PTPN14: variants seen among roughly 807,000 people sequenced by gnomAD.
PTPN14 encodes the protein tyrosine-protein phosphatase non-receptor type 14.
A neutral mutation model predicts 126.8 loss-of-function variants in PTPN14; 53 were observed. That is an observed-to-expected ratio of 0.42 (90% CI 0.34 to 0.53). The LOEUF (loss-of-function observed/expected upper bound fraction) is 0.53, where lower values mean the gene tolerates loss of function less well. Ranked by LOEUF, PTPN14 falls within the 20% of genes least tolerant of loss-of-function variation. The pLI, the probability that PTPN14 is intolerant of heterozygous loss-of-function variation, is 0.08. For synonymous variants in PTPN14, 630 were observed against 599.3 expected (o/e 1.05, Z -0.75); for missense variants, 1,257 against 1,552.9 (o/e 0.81, Z 3.20).
chr1:214,505,159 C>A (rs1328205756), intron 1 of PTPN14, among the ~76,000 whole-genome samples: 3 of 150,028 alleles, frequency 2.0e-5, no homozygotes, highest in Non-Finnish European at 4.4e-5. Context: ...TGTGAACAAA[C>A]CCAGCTGTGA....
chr1:214,415,669 C>T (rs1369947401), intron 3 of PTPN14, among the ~76,000 whole-genome samples: 1 of 152,192 alleles, frequency 6.6e-6, no homozygotes, highest in East Asian at 1.9e-4. Flanking sequence ...CTAATTACTG[C>T]TGGCTCTACC....
At chr1:214,540,335 T>C (rs766443996) in intron 1 of PTPN14, among the ~76,000 whole-genome samples, 2 of 152,162 alleles carry the variant, frequency 1.3e-5, no homozygotes, top group Non-Finnish European at 2.9e-5. Flanking sequence ...ATCACAGTAT[T>C]TCCTGGGCAG....
chr1:214,412,001 C>T (rs1305954006), intron 4 of PTPN14, among the ~76,000 whole-genome samples: 1 of 152,072 alleles, frequency 6.6e-6, no homozygotes, highest in Non-Finnish European at 1.5e-5. Flanking sequence ...TTCCTAAAGG[C>T]CATTTAAAAA....
intron 3 of PTPN14, among the ~76,000 whole-genome samples, chr1:214,415,825 T>C (rs1301538765): frequency 6.6e-6 from 1 of 152,168 alleles, no homozygotes; most frequent in Admixed American, 6.5e-5. Context: ...TACCACTCTT[T>C]GGTGGGAAAA....
chr1:214,521,606 T>C (rs1655256673), intron 1 of PTPN14, among the ~76,000 whole-genome samples: 1 of 152,030 alleles, frequency 6.6e-6, no homozygotes, highest in African/African-American at 2.4e-5. Context: ...TCCCAGCTAC[T>C]CAGGAGGCTG....
chr1:214,432,611 T>C (rs559024912), intron 3 of PTPN14, among the ~76,000 whole-genome samples: 1 of 152,280 alleles, frequency 6.6e-6, no homozygotes, highest in African/African-American at 2.4e-5. Context: ...CTTCCTTTGA[T>C]AGAATATTAA....
At chr1:214,435,015 A>T (rs1659880244) in intron 3 of PTPN14, among the ~76,000 whole-genome samples, 1 of 152,208 alleles carries the variant, frequency 6.6e-6, no homozygotes, top group South Asian at 2.1e-4. Context: ...TGCCCATGTG[A>T]ATTTGTATTG....
intron 1 of PTPN14, among the ~76,000 whole-genome samples, chr1:214,496,012 A>G (rs1333000867): frequency 6.6e-6 from 1 of 152,174 alleles, no homozygotes; most frequent in Admixed American, 6.5e-5. Flanking sequence ...TTATTTTAAT[A>G]CATTTTTCAT....
chr1:214,383,626 G>A lies in PTPN14; in HGVS notation c.2229C>T (p.Arg743=). Residue 743 remains arginine (R), a synonymous_variant, in exon 13 of 19, where the codon CGC becomes CGT. Coordinates refer to ENST00000366956, the MANE Select transcript of PTPN14 (RefSeq NM_005401.5). The surrounding 1 kb of genome is among the most constrained non-coding windows in gnomAD (Gnocchi z 4.4). ...YSAQLQAALA[R]IPNKPPPEYP... is the part of the protein sequence containing the mutation. The stretch of plus-strand genomic sequence containing the variant: ...ACTCAGGCGGGGGCTTGTTGGGGAT[G>A]CGGGCCAGGGCCGCCTGCAGCTGGG... 1 of 1,613,316 alleles carries A rather than the reference G, an allele frequency of 6.2e-7. No homozygotes were observed.
intron 18 of PTPN14, among the ~76,000 whole-genome samples, chr1:214,363,127 A>AAAAC (rs1657994988): frequency 6.6e-6 from 1 of 152,240 alleles, no homozygotes; most frequent in Non-Finnish European, 1.5e-5. Flanking sequence ...TCAGAGGGCA[A>AAAAC]TGACATTTCT....
chr1:214,533,769 G>A (rs1358456494), intron 1 of PTPN14, among the ~76,000 whole-genome samples: 1 of 151,100 alleles, frequency 6.6e-6, no homozygotes, highest in Non-Finnish European at 1.5e-5. Context: ...CCCGGGAGGC[G>A]GAGCTTGCAG....
At chr1:214,420,603 T>A (rs1020089649) in intron 3 of PTPN14, among the ~76,000 whole-genome samples, 1 of 152,250 alleles carries the variant, frequency 6.6e-6, no homozygotes, top group Admixed American at 6.5e-5. Flanking sequence ...GCATTAATTA[T>A]AACAAATTAC....
Position 214,376,327 on chromosome 1 carries a change from G to A in PTPN14, c.2799C>T (p.Asn933=), listed in dbSNP as rs770612272. The A allele has an allele frequency of 1.6e-5, 26 of 1,614,018 alleles. No homozygotes were observed. The highest frequency in any genetic ancestry group is 3.3e-4 in the Middle Eastern group (2 of 6,084). Residue 933 remains asparagine (N), a synonymous_variant, in exon 15 of 19, where the codon AAC becomes AAT. Transcript: ENST00000366956. The stretch of plus-strand genomic sequence containing the variant: ...CTTCACGGATTCGGCTGCGCTCGGC[G>A]TTTTCTGGCAGAGCTGCTGTGCTGA... ...GIFSTAALPE[N]AERSRIREVV... is the part of the protein sequence containing the mutation.
At chr1:214,468,283 C>T (rs950040563) in intron 1 of PTPN14, among the ~76,000 whole-genome samples, 2 of 152,084 alleles carry the variant, frequency 1.3e-5, no homozygotes, top group African/African-American at 2.4e-5. Flanking sequence ...CGGCTGGGTG[C>T]GGTGGCTCAC....
rs183813401 is a variant in PTPN14, at chr1:214,535,964, T to C, written c.-155+15219A>G. 3.8e-4 allele frequency among the ~76,000 whole-genome samples: 58 copies of C among 152,348 alleles called. No individual in the cohort carries two copies. The East Asian group carries it at 0.011, about 28-fold the overall frequency. On this transcript the variant is annotated intron_variant, in intron 1 of 18. Transcript: ENST00000366956. ...ATTCAAGAATCACAAAAATGTTCAC[T>C]ATATCAATCTCACTCATAATTAATC...
chr1:214,465,511 C>T (rs1247677419), intron 1 of PTPN14, among the ~76,000 whole-genome samples: 1 of 152,110 alleles, frequency 6.6e-6, no homozygotes, highest in East Asian at 1.9e-4. Context: ...GTCCCAGCTA[C>T]TTGGGAGGCT....
At chr1:214,459,234 C>A (rs1660453745) in intron 2 of PTPN14, among the ~76,000 whole-genome samples, 1 of 149,752 alleles carries the variant, frequency 6.7e-6, no homozygotes, top group South Asian at 2.1e-4. Context: ...CTCACTGCAA[C>A]CTCCACCTCC....
chr1:214,359,202 G>A (rs1007125343), intron 18 of PTPN14, among the ~76,000 whole-genome samples: 1 of 151,326 alleles, frequency 6.6e-6, no homozygotes, highest in Non-Finnish European at 1.5e-5. Context: ...GCCTTCAACT[G>A]AGAACACTTT....
intron 8 of PTPN14, among the ~76,000 whole-genome samples, chr1:214,396,041 G>A (rs1305723766): frequency 2.6e-5 from 4 of 152,014 alleles, no homozygotes; most frequent in Non-Finnish European, 2.9e-5. Flanking sequence ...CCCCATACCC[G>A]GTGCAGGGAT....
Sources: allele counts gnomAD v4.1 joint callset (sites outside exome capture counted in the v4.1 genomes callset), GRCh38; gene constraint gnomAD v4.1.1; non-coding constraint Gnocchi (gnomAD v3.1); transcripts MANE v1.5; gene names NCBI Gene and HGNC (gene_info 2026-07-23, HGNC 2026-07-21).